B3GNT5: variants seen among roughly 807,000 people sequenced by gnomAD.
B3GNT5 encodes lactosylceramide 1,3-N-acetyl-beta-D-glucosaminyltransferase.
Under a neutral mutation model 25.9 loss-of-function variants are expected in B3GNT5, and 11 were observed. That is an observed-to-expected ratio of 0.42 (90% CI 0.27 to 0.70). The LOEUF (loss-of-function observed/expected upper bound fraction) is 0.70. Among genes scored for constraint, B3GNT5 ranks in the 30% least tolerant of loss-of-function variants. B3GNT5 has a pLI of 0.23. For missense variants in B3GNT5, 385 were observed against 458.4 expected (o/e 0.84, Z 1.46); for synonymous variants, 166 against 158.6 (o/e 1.05, Z -0.35).
At position 183,267,621 on chromosome 3, in the gene B3GNT5, G is replaced by A. The variant is rs545457846; in HGVS notation, c.-301-1877G>A. On this transcript the variant is annotated intron_variant, in intron 1 of 1. Transcript: ENST00000326505. This position sits in a 1 kb window ranked among gnomAD's most constrained non-coding sequence, Gnocchi z 5.5. ...GCTCAGCCTACACGGCTCTCTCCCC[G>A]TCAGTCCTGTCCAAAGCCCAGGAAA... Among the ~76,000 whole-genome samples, 85 of 152,318 alleles carry A rather than the reference G, an allele frequency of 5.6e-4. No individual in the cohort carries two copies. The highest frequency in any genetic ancestry group is 1.0e-3 in the Non-Finnish European group (68 of 68,024).
chr3:183,263,974 GT>G (rs1437837123), intron 1 of B3GNT5, among the ~76,000 whole-genome samples: 1 of 152,086 alleles, frequency 6.6e-6, no homozygotes, highest in Non-Finnish European at 1.5e-5. Context: ...CGGCATCAGT[GT>G]GAGCCCTTGA....
At chr3:183,269,103 C>T (rs1726447838) in intron 1 of B3GNT5, among the ~76,000 whole-genome samples, 1 of 152,054 alleles carries the variant, frequency 6.6e-6, no homozygotes, top group Non-Finnish European at 1.5e-5. Flanking sequence ...ATTTTCTTTT[C>T]ATTGAAGATT....
chr3:183,266,312 T>C (rs967871842), intron 1 of B3GNT5, among the ~76,000 whole-genome samples: 1 of 152,252 alleles, frequency 6.6e-6, no homozygotes, highest in African/African-American at 2.4e-5. Context: ...TGCTCAGGAA[T>C]AGGCAGCTGG....
At chr3:183,264,236 T>C (rs1182672634) in intron 1 of B3GNT5, among the ~76,000 whole-genome samples, 3 of 152,226 alleles carry the variant, frequency 2.0e-5, no homozygotes, top group African/African-American at 7.2e-5. Context: ...TACACAGTTC[T>C]TGTCTAAAAC....
rs555898379 is a variant in B3GNT5, at chr3:183,272,156, A to T, written c.*1221A>T. 96 of 1,000,212 alleles carry T rather than the reference A, an allele frequency of 9.6e-5. No homozygotes were observed. The highest frequency in any genetic ancestry group is 1.1e-4 in the Non-Finnish European group (93 of 829,982). The allele number at this position is 1,000,212 out of a possible 1,614,324, so 62.0% of individuals were successfully genotyped here. ...GGGGTTAAAGCATTTTTAAAGCTGC[A>T]TGTTCCTTGTAATCAAAGAGATGTG... On this transcript the variant is annotated 3_prime_UTR_variant, in exon 2 of 2. Transcript: ENST00000326505.
At chr3:183,258,009 C>T (rs1422658571) in intron 1 of B3GNT5, among the ~76,000 whole-genome samples, 3 of 127,868 alleles carry the variant, frequency 2.3e-5, no homozygotes, top group African/African-American at 6.3e-5. Flanking sequence ...GCTCTGTTGC[C>T]CAGGCTGGAG....
chr3:183,260,999 C>G (rs9819105), intron 1 of B3GNT5, among the ~76,000 whole-genome samples: 1 of 152,012 alleles, frequency 6.6e-6, no homozygotes, highest in African/African-American at 2.4e-5. Context: ...GGTAGAATTT[C>G]TTTTCTTTTT....
chr3:183,260,703 T>A (rs565390483), intron 1 of B3GNT5, among the ~76,000 whole-genome samples: 1 of 152,314 alleles, frequency 6.6e-6, no homozygotes, highest in African/African-American at 2.4e-5. Context: ...TCTACACCCA[T>A]GTTTAACTTA....
chr3:183,256,342 G>T (rs529939159), intron 1 of B3GNT5, among the ~76,000 whole-genome samples: 1 of 152,236 alleles, frequency 6.6e-6, no homozygotes, highest in South Asian at 2.1e-4. Context: ...TTTCCTTACG[G>T]TATGCAATAT....
At position 183,272,254 on chromosome 3, in the gene B3GNT5, C is replaced by T. The variant is rs1220141045; in HGVS notation, c.*1319C>T. 2 of 1,000,158 alleles carry T rather than the reference C, an allele frequency of 2.0e-6. No homozygotes were observed. Among genetic ancestry groups the T allele is most frequent in the East Asian group, 1.1e-4 (1 of 8,814 alleles). 62.0% of individuals were successfully genotyped at this position (1,000,158 alleles called of 1,614,324 possible). A position where few individuals can be genotyped will look rare whatever the true frequency, so the allele number is the denominator to read the frequency against. Reference sequence around the variant, plus strand: ...AAAATGTGGCTATAATACACACTACCTCCCTTCACTACAGAAAGAACTAGG... The same window carrying T: ...AAAATGTGGCTATAATACACACTACTTCCCTTCACTACAGAAAGAACTAGG... On this transcript the variant is annotated 3_prime_UTR_variant, in exon 2 of 2. Coordinates refer to ENST00000326505, the MANE Select transcript of B3GNT5 (RefSeq NM_032047.5).
In B3GNT5 at chr3:183,271,075, T is replaced by C. The variant is rs1300333024; in HGVS notation, c.*140T>C. 2.6e-6 allele frequency: 2 copies of C among 759,174 alleles called. No homozygotes were observed. The highest frequency in any genetic ancestry group is 4.0e-6 in the Non-Finnish European group (2 of 498,032). The allele number at this position is 759,174 out of a possible 1,614,324, so 47.0% of individuals were successfully genotyped here. ...AAGCCTAGTCCATCAGAATGTTTCTTTGATTCTAGAAGCTGTTTAATATCA... is the reference window on the plus strand; with the variant it reads ...AAGCCTAGTCCATCAGAATGTTTCTCTGATTCTAGAAGCTGTTTAATATCA... On this transcript the variant is annotated 3_prime_UTR_variant, in exon 2 of 2. Transcript: ENST00000326505.
At position 183,269,651 on chromosome 3, in the gene B3GNT5, C is replaced by T; in HGVS notation, c.-148C>T. ...CTCAGAAAAATGGGACTAAAAGAAA[C>T]TATTTTGTAAAATAAGAAGACTTCC... On this transcript the variant is annotated 5_prime_UTR_variant, in exon 2 of 2. Transcript: ENST00000326505. 1.4e-6 allele frequency: 1 copy of T among 713,016 alleles called. No homozygotes were observed. 44.2% of individuals were successfully genotyped at this position (713,016 alleles called of 1,614,324 possible). A position where few individuals can be genotyped will look rare whatever the true frequency, so the allele number is the denominator to read the frequency against.
In B3GNT5 at chr3:183,270,218, A is replaced by G. The variant is rs1726623354; in HGVS notation, c.420A>G (p.Glu140=). The G allele has an allele frequency of 1.2e-6, 2 of 1,614,112 alleles. No homozygotes were observed. Among genetic ancestry groups the G allele is most frequent in the Non-Finnish European group, 1.7e-6 (2 of 1,180,040 alleles). ...ALGTPNPLEG[E]ELQRKLAWED... ...GAACTCCTAATCCACTGGAGGGAGA[A>G]GAACTACAAAGAAAACTGGCTTGGG... Residue 140 remains glutamate (E), a synonymous_variant, in exon 2 of 2, where the codon GAA becomes GAG. Transcript: ENST00000326505. The surrounding 1 kb of genome is among the most constrained non-coding windows in gnomAD (Gnocchi z 4.5).
Position 183,272,861 on chromosome 3 carries a change from A to G in B3GNT5, c.*1926A>G. 7.9e-7 allele frequency: 1 copy of G among 1,269,210 alleles called. No homozygotes were observed. The highest frequency in any genetic ancestry group is 1.0e-6 in the Non-Finnish European group (1 of 997,498). 78.6% of individuals were successfully genotyped at this position (1,269,210 alleles called of 1,614,324 possible). On this transcript the variant is annotated 3_prime_UTR_variant, in exon 2 of 2. Coordinates refer to ENST00000326505, the MANE Select transcript of B3GNT5 (RefSeq NM_032047.5). ...ATAAGTGTCTCTGGCCATCAAAGTG[A>G]TCTTGTTTACAGCAGTGCTTTTGTG...
At chr3:183,254,448 C>T (rs2108393858) in intron 1 of B3GNT5, among the ~76,000 whole-genome samples, 1 of 151,996 alleles carries the variant, frequency 6.6e-6, no homozygotes, top group Non-Finnish European at 1.5e-5. Flanking sequence ...CTCCGGCCTG[C>T]CCGCGCGGGT....
In B3GNT5 at chr3:183,270,571, A is replaced by G; in HGVS notation, c.773A>G (p.Tyr258Cys). 3.1e-6 allele frequency: 5 copies of G among 1,614,210 alleles called. 1 individual carries two copies. The highest frequency in any genetic ancestry group is 3.3e-4 in the Middle Eastern group (2 of 6,062). ...CCTGACTACACAGCCGGAGCTGCCT[A>G]TGTAATCTCCGGTGATGTAGCTGCC... ...AYPDYTAGAAYVISGDVAAKV... is the reference protein window; with the variant it reads ...AYPDYTAGAACVISGDVAAKV... Residue 258 changes from tyrosine to cysteine, a missense_variant, in exon 2 of 2, where the codon TAT (tyrosine) becomes TGT (cysteine). Transcript: ENST00000326505. This position sits in a 1 kb window ranked among gnomAD's most constrained non-coding sequence, Gnocchi z 4.5.
chr3:183,258,113 A>G (rs964404039), intron 1 of B3GNT5, among the ~76,000 whole-genome samples: 1 of 151,742 alleles, frequency 6.6e-6, no homozygotes, highest in Non-Finnish European at 1.5e-5. Flanking sequence ...GATTACAGGC[A>G]TGCTCCACCA....
chr3:183,258,921 T>C (rs1725330970), intron 1 of B3GNT5, among the ~76,000 whole-genome samples: 1 of 152,172 alleles, frequency 6.6e-6, no homozygotes, highest in Non-Finnish European at 1.5e-5. Context: ...AGATTACTTA[T>C]AATAACTAAT....
rs780299090 is a variant in B3GNT5 at position 183,270,023 on chromosome 3, C to T, written c.225C>T (p.Tyr75=). Residue 75 remains tyrosine, a synonymous_variant, in exon 2 of 2, where the codon TAC becomes TAT. Coordinates refer to ENST00000326505, the MANE Select transcript of B3GNT5 (RefSeq NM_032047.5). This position sits in a 1 kb window ranked among gnomAD's most constrained non-coding sequence, Gnocchi z 4.5. ...KHTSAGPRYQ[Y]LINHKEKCQA... The stretch of plus-strand genomic sequence containing the variant: ...CCTCAGCGGGGCCTCGCTACCAATA[C>T]TTGATTAACCACAAGGAAAAGTGTC... 1.2e-6 allele frequency: 2 copies of T among 1,614,052 alleles called. No individual in the cohort carries two copies. Among genetic ancestry groups the T allele is most frequent in the Admixed American group, 1.7e-5 (1 of 60,002 alleles).
Sources: allele counts gnomAD v4.1 joint callset (sites outside exome capture counted in the v4.1 genomes callset), GRCh38; gene constraint gnomAD v4.1.1; non-coding constraint Gnocchi (gnomAD v3.1); transcripts MANE v1.5; gene names NCBI Gene and HGNC (gene_info 2026-07-23, HGNC 2026-07-21).